CHERP: variants seen among roughly 807,000 people sequenced by gnomAD.
The protein encoded by CHERP is ERPROT 213-21.
CHERP carries 8 observed loss-of-function variants against 113.8 expected under a neutral mutation model. The ratio of observed to expected loss-of-function variants is 0.07; its 90% CI spans 0.04 to 0.13. CHERP has a LOEUF of 0.13. Among genes scored for constraint, CHERP ranks in the 10% least tolerant of loss-of-function variants. The pLI, the probability that CHERP is intolerant of heterozygous loss-of-function variation, is 1.00. For synonymous variants in CHERP, 559 were observed against 524.5 expected (o/e 1.07, Z -0.90); for missense variants, 884 against 1,298.2 (o/e 0.68, Z 4.90).
intron 3 of CHERP, 130 bp from the exon 4 acceptor site, chr19:16,533,278 T>C: frequency 1.2e-6 from 1 of 826,670 alleles, no homozygotes. Flanking sequence ...GCTCTGGCCA[T>C]CAGCTCCCTT....
Position 16,519,144 on chromosome 19 carries a change from T to A in CHERP, c.*15A>T. 1 of 1,608,218 alleles carries A rather than the reference T, an allele frequency of 6.2e-7. No homozygotes were observed. The highest frequency in any genetic ancestry group is 8.5e-7 in the Non-Finnish European group (1 of 1,177,962). ...CGGCACCGCTGGCCACCGGCGCGGCTCCCGGCATGGGCGCCTACTTACACT... is the reference window on the plus strand; with the variant it reads ...CGGCACCGCTGGCCACCGGCGCGGCACCCGGCATGGGCGCCTACTTACACT... On this transcript the variant is annotated 3_prime_UTR_variant, in exon 17 of 17. Transcript: ENST00000546361. The surrounding 1 kb of genome is among the most constrained non-coding windows in gnomAD (Gnocchi z 6.0).
Position 16,525,291 on chromosome 19 carries a change from C to A in CHERP, c.1692G>T (p.Arg564=). Residue 564 remains arginine, a synonymous_variant, in exon 10 of 17, where the codon CGG becomes CGT. Transcript: ENST00000546361. The surrounding 1 kb of genome is among the most constrained non-coding windows in gnomAD (Gnocchi z 6.5). ...AGTCGAAGCGGTGGGGATAGGGCGGCCGCTCGAAGGGGTGCCGTGGCGGGA... is the reference window on the plus strand; with the variant it reads ...AGTCGAAGCGGTGGGGATAGGGCGGACGCTCGAAGGGGTGCCGTGGCGGGA... ...DDFPPRHPFE[R]PPYPHRFDYP... is the part of the protein sequence containing the mutation. 1 of 1,447,612 alleles carries A rather than the reference C, an allele frequency of 6.9e-7. No individual in the cohort carries two copies. Among genetic ancestry groups the A allele is most frequent in the East Asian group, 2.6e-5 (1 of 38,506 alleles). The allele number at this position is 1,447,612 out of a possible 1,614,324, so 89.7% of individuals were successfully genotyped here.
At position 16,519,004 on chromosome 19, in the gene CHERP, T is replaced by C; in HGVS notation, c.*155A>G. On this transcript the variant is annotated 3_prime_UTR_variant, in exon 17 of 17. Coordinates refer to ENST00000546361, the MANE Select transcript of CHERP (RefSeq NM_006387.6). This position sits in a 1 kb window ranked among gnomAD's most constrained non-coding sequence, Gnocchi z 6.0. ...ACGCCATGGAGCACGGCGTTCCCAC[T>C]GGGCATGCGCTGGTCTTCCTTCTCT... The C allele has an allele frequency of 1.4e-6, 1 of 722,004 alleles. No homozygotes were observed. Among genetic ancestry groups the C allele is most frequent in the Non-Finnish European group, 2.2e-6 (1 of 448,490 alleles). The allele number at this position is 722,004 out of a possible 1,614,324, so 44.7% of individuals were successfully genotyped here.
Position 16,520,303 on chromosome 19 carries a change from G to A in CHERP, c.2346-38C>T. On this transcript the variant is annotated intron_variant, in intron 14 of 16. Coordinates refer to ENST00000546361, the MANE Select transcript of CHERP (RefSeq NM_006387.6). This position sits in a 1 kb window ranked among gnomAD's most constrained non-coding sequence, Gnocchi z 4.0. ...GTGCCCAAGGGTCAGCAGCAGCCAG[G>A]CGTCGTGGGGAGGCCACAGGAAGAG... 2 of 1,611,400 alleles carry A rather than the reference G, an allele frequency of 1.2e-6. No individual in the cohort carries two copies. The highest frequency in any genetic ancestry group is 2.2e-5 in the South Asian group (2 of 90,836).
At position 16,519,830 on chromosome 19, in the gene CHERP, ACC is replaced by A; in HGVS notation, c.2463-117_2463-116del. 1 of 929,982 alleles carries A rather than the reference ACC, an allele frequency of 1.1e-6. No homozygotes were observed. Among genetic ancestry groups the A allele is most frequent in the Non-Finnish European group, 1.8e-6 (1 of 567,362 alleles). The allele number at this position is 929,982 out of a possible 1,614,324, so 57.6% of individuals were successfully genotyped here. ...TGCATGCTCACTGTCACCAGGTGAC[ACC>A]GTATGCAGATTTTGCGTCTCTACCC... is the stretch of plus-strand genomic sequence containing the variant. On this transcript the variant is annotated intron_variant, in intron 15 of 16. Coordinates refer to ENST00000546361, the MANE Select transcript of CHERP (RefSeq NM_006387.6). This position sits in a 1 kb window ranked among gnomAD's most constrained non-coding sequence, Gnocchi z 6.0.
intron 9 of CHERP, chr19:16,526,101 C>G (rs924226651): frequency 2.2e-5 from 4 of 184,484 alleles, no homozygotes; most frequent in Non-Finnish European, 4.4e-5. Context: ...CTCTGACACC[C>G]CCTGCCCTGC....
At position 16,532,404 on chromosome 19, in the gene CHERP, A is replaced by C; in HGVS notation, c.674+194T>G. Reference sequence around the variant, plus strand: ...AGGGCATGCAGCGAAGGTGCACAGGACACCTAGACCTCGCAGTCCTGGAGA... The same window carrying C: ...AGGGCATGCAGCGAAGGTGCACAGGCCACCTAGACCTCGCAGTCCTGGAGA... On this transcript the variant is annotated intron_variant, in intron 5 of 16. Coordinates refer to ENST00000546361, the MANE Select transcript of CHERP (RefSeq NM_006387.6). This position sits in a 1 kb window ranked among gnomAD's most constrained non-coding sequence, Gnocchi z 4.4. The C allele has an allele frequency of 6.3e-6, 4 of 634,180 alleles. No homozygotes were observed. The South Asian group carries it at 8.2e-5, about 13-fold the overall frequency. The allele number at this position is 634,180 out of a possible 1,614,324, so 39.3% of individuals were successfully genotyped here. A position where few individuals can be genotyped will look rare whatever the true frequency, so the allele number is the denominator to read the frequency against.
chr19:16,539,439 G>A (rs544993778), intron 2 of CHERP, among the ~76,000 whole-genome samples: 11 of 152,060 alleles, frequency 7.2e-5, no homozygotes, highest in African/African-American at 2.4e-4. Flanking sequence ...GAGCCACCGC[G>A]CCCGGCCTAG....
In CHERP at chr19:16,525,102, C is replaced by T; in HGVS notation, c.1741+140G>A. 2 of 806,018 alleles carry T rather than the reference C, an allele frequency of 2.5e-6. No individual in the cohort carries two copies. Among genetic ancestry groups the T allele is most frequent in the Non-Finnish European group, 3.4e-6 (2 of 583,994 alleles). 49.9% of individuals were successfully genotyped at this position (806,018 alleles called of 1,614,324 possible). A position where few individuals can be genotyped will look rare whatever the true frequency, so the allele number is the denominator to read the frequency against. ...CCACTTCCTGAGAACCCAGGCCGGGCTCCTCGGACGTCCCATGACCCTGTG... is the reference window on the plus strand; with the variant it reads ...CCACTTCCTGAGAACCCAGGCCGGGTTCCTCGGACGTCCCATGACCCTGTG... On this transcript the variant is annotated intron_variant, in intron 10 of 16. Coordinates refer to ENST00000546361, the MANE Select transcript of CHERP (RefSeq NM_006387.6). This position sits in a 1 kb window ranked among gnomAD's most constrained non-coding sequence, Gnocchi z 6.5.
chr19:16,535,814 C>T lies in CHERP; in HGVS notation c.200-178G>A, dbSNP rs1006323748. ...CCTCCTAGTCTCGGGTCCTGCCCTCCCTCTCACAGGATCCCAGCCTCAGCA... is the reference window on the plus strand; with the variant it reads ...CCTCCTAGTCTCGGGTCCTGCCCTCTCTCTCACAGGATCCCAGCCTCAGCA... On this transcript the variant is annotated intron_variant, in intron 2 of 16. Transcript: ENST00000546361. The surrounding 1 kb of genome is among the most constrained non-coding windows in gnomAD (Gnocchi z 4.3). Among the ~76,000 whole-genome samples, 20 of 152,172 alleles carry T rather than the reference C, an allele frequency of 1.3e-4. No individual in the cohort carries two copies. The highest frequency in any genetic ancestry group is 1.9e-4 in the African/African-American group (8 of 41,442).
Position 16,532,642 on chromosome 19 carries a change from C to T in CHERP, c.630G>A (p.Leu210=), listed in dbSNP as rs2085714405. ...TGATCAGGTAGATGAGGTGCAGCCG[C>T]AGCTCGAAGTGTGCCCCATCAGCCG... The part of the protein sequence containing the change: ...RITADGAHFE[L]RLHLIYLIND... The change falls in exon 5 of 17, where the codon CTG becomes CTA. Residue 210 remains leucine, a synonymous_variant. Transcript: ENST00000546361. The surrounding 1 kb of genome is among the most constrained non-coding windows in gnomAD (Gnocchi z 4.4). The T allele has an allele frequency of 6.2e-7, 1 of 1,612,002 alleles. No individual in the cohort carries two copies. The highest frequency in any genetic ancestry group is 8.5e-7 in the Non-Finnish European group (1 of 1,179,796).
At chr19:16,528,343 C>T in intron 8 of CHERP, 88 bp from the exon 9 acceptor site, 1 of 1,320,506 alleles carries the variant, frequency 7.6e-7, no homozygotes, top group South Asian at 1.4e-5. Flanking sequence ...AACCAGGCTA[C>T]CGCTTTTAGT....
rs1043481 is a variant in CHERP, at chr19:16,523,139, T to C, written c.1893A>G (p.Pro631=). Residue 631 remains proline (P), a synonymous_variant, in exon 11 of 17, where the codon CCA becomes CCG. Coordinates refer to ENST00000546361, the MANE Select transcript of CHERP (RefSeq NM_006387.6). The surrounding 1 kb of genome is among the most constrained non-coding windows in gnomAD (Gnocchi z 4.0). ...GQPPHMRRQG[P]PHINHDDPSL... is the part of the protein sequence containing the mutation. ...TGGGGTCATCGTGGTTGATGTGGGG[T>C]GGGCCCTGTCGCCGCATGTGTGGGG... 1,414,404 of 1,553,304 alleles carry C rather than the reference T, an allele frequency of 0.91. 645,029 individuals are homozygous for C. Among genetic ancestry groups the C allele is most frequent in the African/African-American group, 0.98 (70,420 of 71,578 alleles).
At chr19:16,539,959 G>T (rs990040777) in intron 2 of CHERP, 1 of 152,244 alleles carries the variant, frequency 6.6e-6, no homozygotes, top group African/African-American at 2.4e-5. Flanking sequence ...GTAGCTGGGG[G>T]TACGGTGTGT....
At chr19:16,522,095 G>A (rs569635116) in intron 11 of CHERP, among the ~76,000 whole-genome samples, 81 of 151,900 alleles carry the variant, frequency 5.3e-4, no homozygotes, top group Non-Finnish European at 9.1e-4. Flanking sequence ...CTCCTGTTGA[G>A]GCCCTGCCCT....
chr19:16,526,756 AC>A (rs777124799), intron 9 of CHERP, among the ~76,000 whole-genome samples: 8 of 151,556 alleles, frequency 5.3e-5, no homozygotes, highest in Non-Finnish European at 1.0e-4. Flanking sequence ...GTTAGCCACC[AC>A]GCCCAGCCTT....
rs1408993639 is a variant in CHERP at position 16,530,481 on chromosome 19, C to A, written c.876+104G>T. The A allele has an allele frequency of 7.8e-6, 8 of 1,031,598 alleles. No homozygotes were observed. Among genetic ancestry groups the A allele is most frequent in the Non-Finnish European group, 1.2e-5 (8 of 663,606 alleles). The allele number at this position is 1,031,598 out of a possible 1,614,324, so 63.9% of individuals were successfully genotyped here. A position where few individuals can be genotyped will look rare whatever the true frequency, so the allele number is the denominator to read the frequency against. ...TCCTAGCACAGGCAGGGGACATGGG[C>A]TCTCTGGCTGCTGGGGTGGCAGCTG... On this transcript the variant is annotated intron_variant, in intron 7 of 16. Transcript: ENST00000546361. The surrounding 1 kb of genome is among the most constrained non-coding windows in gnomAD (Gnocchi z 4.1).
chr19:16,528,343 C>A, intron 8 of CHERP, 88 bp from the exon 9 acceptor site: 3 of 1,320,504 alleles, frequency 2.3e-6, no homozygotes, highest in Admixed American at 2.4e-5. Context: ...AACCAGGCTA[C>A]CGCTTTTAGT....
At position 16,519,432 on chromosome 19, in the gene CHERP, G is replaced by A; in HGVS notation, c.2558-80C>T. ...ACGTGGGGGGCTGAATGTCCAGACA[G>A]GCAGTGTAGACATGGGAAATGGGTA... On this transcript the variant is annotated intron_variant, in intron 16 of 16. Transcript: ENST00000546361. This position sits in a 1 kb window ranked among gnomAD's most constrained non-coding sequence, Gnocchi z 6.0. 6.9e-7 allele frequency: 1 copy of A among 1,456,488 alleles called. No individual in the cohort carries two copies. Among genetic ancestry groups the A allele is most frequent in the South Asian group, 1.2e-5 (1 of 81,722 alleles). 90.2% of individuals were successfully genotyped at this position (1,456,488 alleles called of 1,614,324 possible).
Sources: allele counts gnomAD v4.1 joint callset (sites outside exome capture counted in the v4.1 genomes callset), GRCh38; gene constraint gnomAD v4.1.1; non-coding constraint Gnocchi (gnomAD v3.1); transcripts MANE v1.5; gene names NCBI Gene and HGNC (gene_info 2026-07-23, HGNC 2026-07-21).